The following COL6A3 variants were observed in gnomAD, a reference collection of about 807,000 sequenced individuals.
COL6A3 encodes the protein collagen alpha-3(VI) chain.
A neutral mutation model predicts 274.1 loss-of-function variants in COL6A3; 137 were observed. That is an observed-to-expected ratio of 0.50 (90% CI 0.44 to 0.58). The LOEUF (loss-of-function observed/expected upper bound fraction) is 0.58. Ranked by LOEUF, COL6A3 falls within the 20% of genes least tolerant of loss-of-function variation. The pLI is 0.00. For missense variants in COL6A3, 3,950 were observed against 4,124.9 expected, an observed-to-expected ratio of 0.96 and a Z score of 1.16; for synonymous variants, 1,650 against 1,650.6, an observed-to-expected ratio of 1.00 and a Z score of 0.01.
intron 23 of COL6A3, 94 bp downstream of exon 23, chr2:237,357,244 G>A (rs1476544058): frequency 6.9e-6 from 7 of 1,019,982 alleles, no homozygotes; most frequent in Non-Finnish European, 6.3e-6. Context: ...ACTCACTGCA[G>A]AGCTGTGGAC....
chr2:237,355,641 G>A (rs566154539), intron 23 of COL6A3: 1 of 152,272 alleles, frequency 6.6e-6, no homozygotes, highest in Admixed American at 6.5e-5. Context: ...GCAAAGTTAG[G>A]GTTGGTGTTG....
At chr2:237,350,008 G>T in intron 28 of COL6A3, 139 bp downstream of exon 28, 1 of 865,504 alleles carries the variant, frequency 1.2e-6, no homozygotes. Flanking sequence ...CCGCAGATGA[G>T]CAAGTTTCAG....
At chr2:237,359,723 C>T (rs937632624) in intron 17 of COL6A3, among the ~76,000 whole-genome samples, 4 of 152,162 alleles carry the variant, frequency 2.6e-5, no homozygotes, top group Admixed American at 6.5e-5. Flanking sequence ...GCAAGTTCAC[C>T]AGCCTTCAAC....
intron 36 of COL6A3, chr2:237,343,671 AGTGGT>A (rs1291335885): frequency 1.2e-4 from 19 of 155,426 alleles, no homozygotes; most frequent in African/African-American, 4.1e-4. Context: ...AGCTTTGCAC[AGTGGT>A]GTGGTGTAGA....
intron 22 of COL6A3, 83 bp from the exon 23 acceptor site, chr2:237,357,474 G>C (rs886906159): frequency 7.9e-7 from 1 of 1,270,008 alleles, no homozygotes; most frequent in African/African-American, 1.5e-5. Context: ...ACATTGCAGG[G>C]AAAGGGGTCG....
At chr2:237,395,572 C>T (rs1043023287) in intron 2 of COL6A3, among the ~76,000 whole-genome samples, 2 of 152,190 alleles carry the variant, frequency 1.3e-5, no homozygotes, top group Non-Finnish European at 2.9e-5. Context: ...TTATCACAGA[C>T]AACCAACCAT....
At chr2:237,408,539 T>G (rs547902613) in intron 1 of COL6A3, among the ~76,000 whole-genome samples, 2 of 152,368 alleles carry the variant, frequency 1.3e-5, no homozygotes, top group Non-Finnish European at 2.9e-5. Context: ...TTTCCTGGAA[T>G]GGTTTCCCTT....
chr2:237,383,422 C>T (rs921783457), intron 4 of COL6A3, among the ~76,000 whole-genome samples: 1 of 152,126 alleles, frequency 6.6e-6, no homozygotes, highest in Non-Finnish European at 1.5e-5. Flanking sequence ...TTAGAACATG[C>T]TGTCTCTCTG....
chr2:237,393,364 A>G (rs2078341498), intron 3 of COL6A3, among the ~76,000 whole-genome samples: 1 of 152,158 alleles, frequency 6.6e-6, no homozygotes, highest in African/African-American at 2.4e-5. Context: ...GATCAAAAAT[A>G]ACTTCAATCC....
At chr2:237,347,716 G>A in intron 31 of COL6A3, 91 bp downstream of exon 31, 5 of 1,326,830 alleles carry the variant, frequency 3.8e-6, no homozygotes, top group Admixed American at 2.0e-5. Flanking sequence ...CAGGGTGCAA[G>A]TGAAGGATAA....
Position 237,364,465 on chromosome 2 carries a change from A to G in COL6A3, c.5839-37T>C, listed in dbSNP as rs772597555. 2.6e-6 allele frequency: 4 copies of G among 1,517,634 alleles called. No individual in the cohort carries two copies. The African/African-American group carries it at 4.1e-5, about 16-fold the overall frequency. The allele number at this position is 1,517,634 out of a possible 1,614,324, so 94.0% of individuals were successfully genotyped here. Reference sequence around the variant, plus strand: ...AGAGCTGTCAAATCCCAGGAAAACTAAAAAGGAGTGTTGCAGACTGCTGAT... The same window carrying G: ...AGAGCTGTCAAATCCCAGGAAAACTGAAAAGGAGTGTTGCAGACTGCTGAT... On this transcript the variant is annotated intron_variant, in intron 12 of 43. Transcript: ENST00000295550. The surrounding 1 kb of genome is among the most constrained non-coding windows in gnomAD (Gnocchi z 4.6).
At chr2:237,352,669 G>C in intron 25 of COL6A3, 85 bp from the exon 26 acceptor site, 1 of 1,311,338 alleles carries the variant, frequency 7.6e-7, no homozygotes, top group Non-Finnish European at 1.1e-6. Context: ...ATCCCACAGG[G>C]CCTGGAACCT....
chr2:237,388,191 A>G lies in COL6A3; in HGVS notation c.710-7T>C, dbSNP rs1431431126. On this transcript the variant is annotated splice_polypyrimidine_tract_variant and splice_region_variant and intron_variant, in intron 3 of 43. Transcript: ENST00000295550. The stretch of plus-strand genomic sequence containing the variant: ...ATGTCAGCAGAGTCTTGTGCTTTAA[A>G]AGAAAGAAATGCAAAAAATGTGAAA... The G allele has an allele frequency of 5.6e-6, 9 of 1,613,850 alleles. No individual in the cohort carries two copies. The highest frequency in any genetic ancestry group is 7.6e-6 in the Non-Finnish European group (9 of 1,180,054).
intron 2 of COL6A3, 90 bp downstream of exon 2, chr2:237,396,637 C>G (rs2078447924): frequency 7.7e-7 from 1 of 1,307,088 alleles, no homozygotes; most frequent in Admixed American, 1.7e-5. Context: ...AAGAACATAT[C>G]TAAGCTCTAT....
intron 9 of COL6A3, among the ~76,000 whole-genome samples, chr2:237,369,856 G>A (rs1244761865): frequency 7.5e-6 from 1 of 133,684 alleles, no homozygotes; most frequent in Non-Finnish European, 1.6e-5. Context: ...TTTTTTTTCT[G>A]AGACATGGTC....
chr2:237,410,138 T>G (rs938309189), intron 1 of COL6A3, among the ~76,000 whole-genome samples: 2 of 152,102 alleles, frequency 1.3e-5, no homozygotes, highest in African/African-American at 2.4e-5. Context: ...TGGTCATCAC[T>G]GAGTTACTAC....
At chr2:237,332,068 T>TCTAC (rs1553543191) in intron 42 of COL6A3, among the ~76,000 whole-genome samples, 2 of 51,156 alleles carry the variant, frequency 3.9e-5, no homozygotes, top group Non-Finnish European at 7.4e-5. Context: ...TCTCTCTCTC[T>TCTAC]ACATATATAT....
In COL6A3 at chr2:237,359,194, A is replaced by T; in HGVS notation, c.6354+12T>A. The T allele has an allele frequency of 6.2e-7, 1 of 1,614,250 alleles. No individual in the cohort carries two copies. Among genetic ancestry groups the T allele is most frequent in the Admixed American group, 1.7e-5 (1 of 60,028 alleles). On this transcript the variant is annotated intron_variant, in intron 19 of 43. Transcript: ENST00000295550. ...ACCAAAAGCAGTTTGGACTTAGAGT[A>T]AAATCACTTACATCTTCACCATCCA...
chr2:237,360,464 G>A (rs550328076), intron 16 of COL6A3, among the ~76,000 whole-genome samples: 5 of 152,158 alleles, frequency 3.3e-5, no homozygotes, highest in South Asian at 4.2e-4. Flanking sequence ...GCTGAATCCC[G>A]GGAAGACCCA....
Sources: allele counts gnomAD v4.1 joint callset (sites outside exome capture counted in the v4.1 genomes callset), GRCh38; gene constraint gnomAD v4.1.1; non-coding constraint Gnocchi (gnomAD v3.1); transcripts MANE v1.5; gene names NCBI Gene and HGNC (gene_info 2026-07-23, HGNC 2026-07-21).